Variants in AKR1B10 observed in about 807,000 individuals in gnomAD.
AKR1B10 encodes the protein aldo-keto reductase family 1 member B10.
A neutral mutation model predicts 38.9 loss-of-function variants in AKR1B10; 39 were observed. That is an observed-to-expected ratio of 1.00 (90% CI 0.78 to 1.31). The LOEUF (loss-of-function observed/expected upper bound fraction) is 1.31. Ranked by LOEUF, AKR1B10 falls within the 50% of genes most tolerant of loss-of-function variation. AKR1B10 has a pLI of 0.00. For missense variants in AKR1B10, 361 were observed against 382.6 expected (o/e 0.94, Z 0.47); for synonymous variants, 148 against 141.2 (o/e 1.05, Z -0.34).
intron 9 of AKR1B10, 114 bp from the exon 10 acceptor site, chr7:134,540,933 G>T: frequency 2.6e-6 from 2 of 774,460 alleles, no homozygotes; most frequent in Non-Finnish European, 4.4e-6. Context: ...CAGGGAGGAG[G>T]CTAAGAGAGC....
At position 134,532,005 on chromosome 7, in the gene AKR1B10, A is replaced by T; in HGVS notation, c.332A>T (p.His111Leu). 2 of 1,614,076 alleles carry T rather than the reference A, an allele frequency of 1.2e-6. No individual in the cohort carries two copies. Among genetic ancestry groups the T allele is most frequent in the Non-Finnish European group, 1.7e-6 (2 of 1,179,962 alleles). Residue 111 changes from histidine (H) to leucine (L), a missense_variant, in exon 3 of 10, where the codon CAC (histidine) becomes CTC (leucine). Around this residue, in one of 3 missense-constraint regions of AKR1B10, gnomAD observed 220 missense variants for 216.1 expected, o/e 1.02. Coordinates refer to ENST00000359579, the MANE Select transcript of AKR1B10 (RefSeq NM_020299.5). ...AGCTATCTGGACGTCTATCTTATTC[A>T]CTGGCCACAGGGATTCAAGGTTTAA... ...KLSYLDVYLI[H>L]WPQGFKSGDD...
At chr7:134,536,054 C>T (rs1240266891) in intron 4 of AKR1B10, among the ~76,000 whole-genome samples, 1 of 152,240 alleles carries the variant, frequency 6.6e-6, no homozygotes, top group Non-Finnish European at 1.5e-5. Context: ...TTCAGTCCCA[C>T]ACAACTCCAT....
chr7:134,537,074 A>C lies in AKR1B10; in HGVS notation c.576A>C (p.Thr192=), dbSNP rs28545160. 1.4e-6 allele frequency: 2 copies of C among 1,467,894 alleles called. No homozygotes were observed. Among genetic ancestry groups the C allele is most frequent in the South Asian group, 2.5e-5 (2 of 81,294 alleles). 90.9% of individuals were successfully genotyped at this position (1,467,894 alleles called of 1,614,324 possible). A position where few individuals can be genotyped will look rare whatever the true frequency, so the allele number is the denominator to read the frequency against. Residue 192 remains threonine, a synonymous_variant, in exon 6 of 10, where the codon ACA becomes ACC. Transcript: ENST00000359579. ...AGGTTGAGTGTCACCCATACCTCAC[A>C]CAGGAGAAACTGATCCAGTACTGCC... is the stretch of plus-strand genomic sequence containing the variant. ...TNQVECHPYL[T]QEKLIQYCHS...
chr7:134,533,378 G>A (rs1391335444), intron 4 of AKR1B10, among the ~76,000 whole-genome samples: 1 of 152,104 alleles, frequency 6.6e-6, no homozygotes, highest in African/African-American at 2.4e-5. Flanking sequence ...TTTGGGCCTG[G>A]GTGTGCTCAT....
intron 1 of AKR1B10, among the ~76,000 whole-genome samples, chr7:134,528,743 G>A (rs959861391): frequency 6.6e-6 from 1 of 151,782 alleles, no homozygotes; most frequent in African/African-American, 2.4e-5. Context: ...GAGAGAAAGA[G>A]AGAGAGAGAA....
At position 134,528,088 on chromosome 7, in the gene AKR1B10, A is replaced by T. The variant is rs182053702; in HGVS notation, c.66+111A>T. ...GAGGTCGGGCAGGGGTTGGAGAGGT[A>T]AGATTCAGCCCTGGAGCCAGGACTT... is the stretch of plus-strand genomic sequence containing the variant. On this transcript the variant is annotated intron_variant, in intron 1 of 9. Coordinates refer to ENST00000359579, the MANE Select transcript of AKR1B10 (RefSeq NM_020299.5). 4 of 1,383,776 alleles carry T rather than the reference A, an allele frequency of 2.9e-6. No homozygotes were observed. In the East Asian group the frequency reaches 9.7e-5, roughly 34 times the overall value. 85.7% of individuals were successfully genotyped at this position (1,383,776 alleles called of 1,614,324 possible).
intron 9 of AKR1B10, among the ~76,000 whole-genome samples, chr7:134,539,570 A>G (rs183258530): frequency 5.3e-5 from 8 of 152,250 alleles, no homozygotes; most frequent in African/African-American, 1.9e-4. Context: ...TACCATATGC[A>G]TATTTGGGGG....
intron 9 of AKR1B10, among the ~76,000 whole-genome samples, chr7:134,539,509 G>A (rs1164497576): frequency 1.3e-5 from 2 of 152,256 alleles, no homozygotes; most frequent in African/African-American, 4.8e-5. Context: ...GTGGTAGTGG[G>A]ACTGATCCTT....
At chr7:134,531,241 G>T (rs756493031) in intron 2 of AKR1B10, among the ~76,000 whole-genome samples, 3 of 152,124 alleles carry the variant, frequency 2.0e-5, no homozygotes, top group Non-Finnish European at 4.4e-5. Flanking sequence ...TTTTTCTATT[G>T]TCACATATGA....
chr7:134,529,477 C>T (rs1807789436), intron 1 of AKR1B10, among the ~76,000 whole-genome samples: 1 of 152,140 alleles, frequency 6.6e-6, no homozygotes, highest in Non-Finnish European at 1.5e-5. Flanking sequence ...GAGCTGTCTT[C>T]AACACGTGGG....
intron 5 of AKR1B10, 61 bp downstream of exon 5, chr7:134,536,833 A>T: frequency 6.2e-7 from 1 of 1,605,520 alleles, no homozygotes; most frequent in East Asian, 2.2e-5. Context: ...ACATTGCGGG[A>T]GGAATGTTCA....
At chr7:134,540,697 G>T (rs940576385) in intron 9 of AKR1B10, among the ~76,000 whole-genome samples, 4 of 152,134 alleles carry the variant, frequency 2.6e-5, no homozygotes, top group Admixed American at 6.5e-5. Flanking sequence ...TTAATACTCA[G>T]AACAATCCCC....
intron 9 of AKR1B10, 59 bp downstream of exon 9, chr7:134,539,076 G>T (rs1391973743): frequency 4.4e-6 from 7 of 1,593,616 alleles, no homozygotes; most frequent in Non-Finnish European, 5.2e-6. Context: ...CTAATAGAGG[G>T]TTAGTTGGAA....
chr7:134,527,724 T>TTCATTCAA lies in AKR1B10; in HGVS notation c.-188_-187insTCATTCAA. On this transcript the variant is annotated 5_prime_UTR_variant, in exon 1 of 10. Transcript: ENST00000359579. ...AGCTGGGAGTCACGGTGGGCGCCTGTAATCCCAGCTACTCGGGAGGCTGAG... is the reference window on the plus strand; with the variant it reads ...AGCTGGGAGTCACGGTGGGCGCCTGTTCATTCAAAATCCCAGCTACTCGGGAGGCTGAG... 2.0e-6 allele frequency: 1 copy of TTCATTCAA among 499,806 alleles called. No individual in the cohort carries two copies. Among genetic ancestry groups the TTCATTCAA allele is most frequent in the African/African-American group, 2.2e-5 (1 of 44,978 alleles). The allele number at this position is 499,806 out of a possible 1,614,324, so 31.0% of individuals were successfully genotyped here. A position where few individuals can be genotyped will look rare whatever the true frequency, so the allele number is the denominator to read the frequency against.
rs1454006304 is a variant in AKR1B10, at chr7:134,540,997, T to C, written c.909-50T>C. 8.9e-6 allele frequency: 12 copies of C among 1,347,808 alleles called. No individual in the cohort carries two copies. The Admixed American group carries it at 1.7e-4, about 19-fold the overall frequency. 83.5% of individuals were successfully genotyped at this position (1,347,808 alleles called of 1,614,324 possible). ...AATACCTTCTCAACCAGAGTTGTTG[T>C]TTTGATGGAACTCAGTTTCTCTGTT... is the stretch of plus-strand genomic sequence containing the variant. On this transcript the variant is annotated intron_variant, in intron 9 of 9. Coordinates refer to ENST00000359579, the MANE Select transcript of AKR1B10 (RefSeq NM_020299.5).
chr7:134,530,827 G>C lies in AKR1B10; in HGVS notation c.234+17G>C, dbSNP rs779290093. 1.8e-5 allele frequency: 29 copies of C among 1,598,390 alleles called. No homozygotes were observed. Among genetic ancestry groups the C allele is most frequent in the Non-Finnish European group, 2.5e-5 (29 of 1,172,558 alleles). On this transcript the variant is annotated intron_variant, in intron 2 of 9. Coordinates refer to ENST00000359579, the MANE Select transcript of AKR1B10 (RefSeq NM_020299.5). ...GTCAGCAAGGTGCAATGGTGCATTT[G>C]GTGGGAGGCCTTCACTTCAAGGCAG...
chr7:134,527,772 G>A lies in AKR1B10; in HGVS notation c.-140G>A, dbSNP rs1807719959. ...GAGGCAGGAGAATTGCTTGAACCCA[G>A]GAGACAGAGGTTGTAGTGAGCTGAG... is the stretch of plus-strand genomic sequence containing the variant. On this transcript the variant is annotated 5_prime_UTR_variant, in exon 1 of 10. Coordinates refer to ENST00000359579, the MANE Select transcript of AKR1B10 (RefSeq NM_020299.5). 7.8e-7 allele frequency: 1 copy of A among 1,273,888 alleles called. No individual in the cohort carries two copies. The allele number at this position is 1,273,888 out of a possible 1,614,324, so 78.9% of individuals were successfully genotyped here.
intron 3 of AKR1B10, 145 bp from the exon 4 acceptor site, chr7:134,532,859 C>A: frequency 3.2e-6 from 2 of 624,870 alleles, no homozygotes; most frequent in Non-Finnish European, 2.8e-6. Flanking sequence ...TAATTAAACT[C>A]ACATTCCTAA....
At chr7:134,538,332 G>A (rs1185661953) in intron 8 of AKR1B10, 55 bp downstream of exon 8, 1 of 1,520,212 alleles carries the variant, frequency 6.6e-7, no homozygotes, top group Non-Finnish European at 9.1e-7. Flanking sequence ...GGGACAGGCA[G>A]ACCTTCTCAC....
Sources: gnomAD v4.1 joint callset for allele counts (sites outside exome capture counted in the v4.1 genomes callset) on GRCh38, gnomAD v4.1.1 for gene constraint, gnomAD v4.1.1 regional missense constraint, MANE v1.5 for transcripts, NCBI Gene and HGNC (gene_info 2026-07-23, HGNC 2026-07-21) for gene names.